Variants in COX7B2 observed in about 807,000 individuals in gnomAD.
COX7B2 encodes cytochrome c oxidase subunit 7B2.
For missense variants in COX7B2, 109 were observed against 95.9 expected (o/e 1.14, Z -0.57); for synonymous variants, 37 against 32.1 (o/e 1.15, Z -0.51).
At chr4:46,836,402 C>A (rs918055381) in intron 2 of COX7B2, among the ~76,000 whole-genome samples, 1 of 150,600 alleles carries the variant, frequency 6.6e-6, no homozygotes, top group Admixed American at 6.6e-5. Context: ...AATGCAAAAA[C>A]ACACATTGGC....
chr4:46,782,041 A>G (rs1233171721), intron 2 of COX7B2, among the ~76,000 whole-genome samples: 1 of 152,164 alleles, frequency 6.6e-6, no homozygotes, highest in Non-Finnish European at 1.5e-5. Flanking sequence ...GCTGAGGAGT[A>G]CGGGCACGTG....
chr4:46,890,922 A>G (rs80101542), intron 1 of COX7B2, among the ~76,000 whole-genome samples: 1 of 152,214 alleles, frequency 6.6e-6, no homozygotes, highest in Non-Finnish European at 1.5e-5. Context: ...TCATGTGTAA[A>G]ACATAACTAA....
intron 2 of COX7B2, among the ~76,000 whole-genome samples, chr4:46,808,037 T>C (rs1719093589): frequency 6.6e-6 from 1 of 151,852 alleles, no homozygotes; most frequent in Non-Finnish European, 1.5e-5. Flanking sequence ...GTTTTAAAGT[T>C]GTTGTTTCTA....
chr4:46,765,702 C>A (rs1295177494), intron 2 of COX7B2, among the ~76,000 whole-genome samples: 2 of 151,944 alleles, frequency 1.3e-5, no homozygotes, highest in Admixed American at 6.6e-5. Context: ...GCCCCAGGCA[C>A]ATCACTGCAC....
At chr4:46,863,917 C>G (rs1717489447) in intron 1 of COX7B2, among the ~76,000 whole-genome samples, 1 of 152,148 alleles carries the variant, frequency 6.6e-6, no homozygotes, top group African/African-American at 2.4e-5. Flanking sequence ...AACCTCCATT[C>G]TCACCTGGAC....
At chr4:46,884,518 T>C (rs909271225) in intron 1 of COX7B2, among the ~76,000 whole-genome samples, 15 of 152,138 alleles carry the variant, frequency 9.9e-5, no homozygotes, top group African/African-American at 3.6e-4. Context: ...GATCAGTAAA[T>C]AGTGGAGTAC....
At chr4:46,762,236 A>C (rs903924404) in intron 2 of COX7B2, among the ~76,000 whole-genome samples, 2 of 142,826 alleles carry the variant, frequency 1.4e-5, no homozygotes, top group African/African-American at 5.1e-5. Context: ...TTTATATATT[A>C]AATATATTAT....
chr4:46,787,308 G>C (rs940763611), intron 2 of COX7B2, among the ~76,000 whole-genome samples: 1 of 152,064 alleles, frequency 6.6e-6, no homozygotes, highest in Admixed American at 6.6e-5. Context: ...TTAGCCAGGC[G>C]TGGTGGTGCA....
intron 2 of COX7B2, among the ~76,000 whole-genome samples, chr4:46,809,033 C>A (rs1036006827): frequency 2.6e-5 from 4 of 151,780 alleles, no homozygotes; most frequent in Admixed American, 2.6e-4. Context: ...CAAGGTGATA[C>A]CTACAATCTT....
intron 2 of COX7B2, among the ~76,000 whole-genome samples, chr4:46,740,058 G>C (rs913360635): frequency 6.6e-6 from 1 of 151,712 alleles, no homozygotes; most frequent in African/African-American, 2.4e-5. Context: ...ATGAGACCTG[G>C]ATGATGCAGC....
intron 1 of COX7B2, among the ~76,000 whole-genome samples, chr4:46,866,587 C>T (rs1218145001): frequency 6.6e-6 from 1 of 152,094 alleles, no homozygotes; most frequent in Non-Finnish European, 1.5e-5. Context: ...AATAAACAAA[C>T]AATAGCATTA....
intron 2 of COX7B2, among the ~76,000 whole-genome samples, chr4:46,841,903 C>A (rs1283211577): frequency 2.0e-5 from 3 of 151,908 alleles, no homozygotes; most frequent in African/African-American, 7.3e-5. Context: ...ATGATACAAG[C>A]TTCACAAAGC....
In COX7B2 at chr4:46,847,477, G is replaced by A. The variant is rs146957913; in HGVS notation, c.-104-2463C>T. Among the ~76,000 whole-genome samples, 63 of 152,098 alleles carry A rather than the reference G, an allele frequency of 4.1e-4. No individual in the cohort carries two copies. The East Asian group carries it at 0.011, about 26-fold the overall frequency. On this transcript the variant is annotated intron_variant, in intron 1 of 2. Transcript: ENST00000355591. Reference sequence around the variant, plus strand: ...GAAATCCTTCTGAAGTCAAGCATTCGGATGATATCCCAGGCCCAAATGATA... The same window carrying A: ...GAAATCCTTCTGAAGTCAAGCATTCAGATGATATCCCAGGCCCAAATGATA...
At chr4:46,816,255 A>T (rs1445752672) in intron 2 of COX7B2, among the ~76,000 whole-genome samples, 1 of 152,180 alleles carries the variant, frequency 6.6e-6, no homozygotes, top group Non-Finnish European at 1.5e-5. Context: ...AAACCTCATG[A>T]ATACTGAATT....
At chr4:46,792,785 G>T (rs116659276) in intron 2 of COX7B2, among the ~76,000 whole-genome samples, 4 of 152,170 alleles carry the variant, frequency 2.6e-5, no homozygotes, top group South Asian at 2.1e-4. Context: ...TAGAGTAAAA[G>T]AATTTTAAGG....
chr4:46,763,170 A>G (rs1716321694), intron 2 of COX7B2, among the ~76,000 whole-genome samples: 1 of 124,034 alleles, frequency 8.1e-6, no homozygotes, highest in Admixed American at 9.4e-5. Context: ...TTTACAATAT[A>G]TATTTATATA....
intron 2 of COX7B2, among the ~76,000 whole-genome samples, chr4:46,748,958 A>G (rs1175043615): frequency 1.3e-5 from 2 of 152,138 alleles, no homozygotes; most frequent in African/African-American, 2.4e-5. Context: ...TTACTTCCAG[A>G]GAAATACAGT....
chr4:46,833,124 T>A (rs1046012362), intron 2 of COX7B2, among the ~76,000 whole-genome samples: 1 of 152,104 alleles, frequency 6.6e-6, no homozygotes, highest in African/African-American at 2.4e-5. Flanking sequence ...AGGCTGGTCT[T>A]CAACTCCCAA....
chr4:46,888,311 T>C (rs1719205394), intron 1 of COX7B2, among the ~76,000 whole-genome samples: 1 of 152,228 alleles, frequency 6.6e-6, no homozygotes, highest in South Asian at 2.1e-4. Context: ...CCATCCAGTT[T>C]CCTATTTCTA....
Sources: allele counts gnomAD v4.1 joint callset (sites outside exome capture counted in the v4.1 genomes callset), GRCh38; gene constraint gnomAD v4.1.1; transcripts MANE v1.5; gene names NCBI Gene and HGNC (gene_info 2026-07-23, HGNC 2026-07-21).